Variants in NOX4 observed in about 807,000 individuals in gnomAD.
The protein encoded by NOX4 is NADPH oxidase 4, also known as kidney oxidase-1.
In NOX4, 69 loss-of-function variants were observed where a neutral mutation model predicts 87.6. The observed-to-expected ratio is 0.79, with a 90% CI of 0.65 to 0.96. The LOEUF is 0.96. Ranked by LOEUF, NOX4 falls within the 40% of genes least tolerant of loss-of-function variation. NOX4 has a pLI of 0.00. For missense variants in NOX4, 680 were observed against 681.5 expected (o/e 1.00, Z 0.02); for synonymous variants, 275 against 238.2 (o/e 1.15, Z -1.42).
At chr11:89,392,216 C>T (rs1941180706) in intron 11 of NOX4, among the ~76,000 whole-genome samples, 1 of 152,004 alleles carries the variant, frequency 6.6e-6, no homozygotes, top group Non-Finnish European at 1.5e-5. Context: ...ATAGACTGTA[C>T]ACACCCAACC....
chr11:89,489,970 C>T (rs562780855), intron 2 of NOX4, among the ~76,000 whole-genome samples: 2 of 152,292 alleles, frequency 1.3e-5, no homozygotes, highest in South Asian at 4.1e-4. Context: ...TCATCAGCCA[C>T]TAACCCAAAG....
At chr11:89,351,038 C>T (rs998079503) in intron 13 of NOX4, among the ~76,000 whole-genome samples, 9 of 152,262 alleles carry the variant, frequency 5.9e-5, no homozygotes, top group East Asian at 1.9e-4. Flanking sequence ...AGGCTTCTTG[C>T]GCCAAACAGT....
intron 11 of NOX4, among the ~76,000 whole-genome samples, chr11:89,385,869 T>G (rs187320892): frequency 7.0e-4 from 107 of 152,256 alleles, no homozygotes; most frequent in African/African-American, 2.4e-3. Context: ...CCATGGTCAT[T>G]TCTTCCCTTC....
chr11:89,335,558 C>T (rs947847348), intron 17 of NOX4, among the ~76,000 whole-genome samples: 21 of 151,458 alleles, frequency 1.4e-4, no homozygotes, highest in Admixed American at 5.3e-4. Context: ...GCTGTGGGAG[C>T]GAATACCCAT....
At chr11:89,551,182 T>C in the NOX4 span, among the ~76,000 whole-genome samples, 1 of 152,142 alleles carries the variant, frequency 6.6e-6, no homozygotes, top group African/African-American at 2.4e-5. Flanking sequence ...TTTTGGTGAC[T>C]TGTAGTATAG....
chr11:89,486,574 ATATG>A (rs1358861965), intron 2 of NOX4, among the ~76,000 whole-genome samples: 2 of 142,150 alleles, frequency 1.4e-5, no homozygotes, highest in African/African-American at 5.6e-5. Context: ...ATATACATAT[ATATG>A]TGTGTATATA....
Position 89,449,544 on chromosome 11 carries a change from T to A in NOX4, c.265-20A>T, listed in dbSNP as rs1421104803. ...TGGAACCTAAACAAAAATCATTTAA[T>A]ATGGTAAAAATAATGCAACAAATGT... On this transcript the variant is annotated intron_variant, in intron 3 of 17. Transcript: ENST00000263317. The A allele has an allele frequency of 6.3e-7, 1 of 1,580,894 alleles. No homozygotes were observed. Among genetic ancestry groups the A allele is most frequent in the Non-Finnish European group, 8.7e-7 (1 of 1,152,110 alleles).
chr11:89,516,770 A>G, the NOX4 span, among the ~76,000 whole-genome samples: 5 of 152,126 alleles, frequency 3.3e-5, no homozygotes, highest in South Asian at 4.2e-4. Context: ...TTGAACTTCC[A>G]GCTGTTATTT....
chr11:89,463,804 G>C (rs1473315743), intron 2 of NOX4, among the ~76,000 whole-genome samples: 1 of 151,784 alleles, frequency 6.6e-6, no homozygotes, highest in Admixed American at 6.6e-5. Flanking sequence ...ATACCTTCTG[G>C]ACTATCTAAA....
chr11:89,514,383 T>C, the NOX4 span, among the ~76,000 whole-genome samples: 1 of 150,504 alleles, frequency 6.6e-6, no homozygotes, highest in Non-Finnish European at 1.5e-5. Flanking sequence ...TATTTAACTC[T>C]AACAGTTTTT....
At chr11:89,329,558 A>G (rs1945382012) in intron 17 of NOX4, among the ~76,000 whole-genome samples, 1 of 151,692 alleles carries the variant, frequency 6.6e-6, no homozygotes, top group Non-Finnish European at 1.5e-5. Context: ...ATTGATAATA[A>G]AATACTAAAA....
intron 2 of NOX4, among the ~76,000 whole-genome samples, chr11:89,489,705 G>A (rs554942192): frequency 5.6e-5 from 8 of 143,922 alleles, no homozygotes; most frequent in African/African-American, 1.0e-4. Context: ...TCCAGCCTGG[G>A]CATCGCAGCA....
intron 11 of NOX4, among the ~76,000 whole-genome samples, chr11:89,391,554 G>A (rs1941122222): frequency 6.6e-6 from 1 of 151,876 alleles, no homozygotes; most frequent in African/African-American, 2.4e-5. Flanking sequence ...CTAGGAGGTT[G>A]AGATTAGCCT....
chr11:89,400,430 A>G (rs746132403), intron 9 of NOX4, 51 bp from the exon 10 acceptor site: 44 of 1,380,174 alleles, frequency 3.2e-5, no homozygotes, highest in Non-Finnish European at 4.0e-5. Flanking sequence ...TATTGTAGAA[A>G]TCTACACCCT....
chr11:89,557,208 C>T, the NOX4 span: 10 of 152,002 alleles, frequency 6.6e-5, no homozygotes, highest in Non-Finnish European at 1.3e-4. Context: ...AAAAAAAATC[C>T]CAAACTGTGT....
chr11:89,408,044 T>C (rs1277914801), intron 8 of NOX4, among the ~76,000 whole-genome samples: 2 of 152,102 alleles, frequency 1.3e-5, no homozygotes, highest in African/African-American at 4.8e-5. Flanking sequence ...TTATTTTGCT[T>C]CAAGTACAAA....
In NOX4 at chr11:89,340,277, A is replaced by T. The variant is rs571035294; in HGVS notation, c.1338-106T>A. ...TTTTCATTAGTAAGCAACCAATAGA[A>T]ATATCCAATAGAAACCAACAGAAAA... On this transcript the variant is annotated intron_variant, in intron 14 of 17. Transcript: ENST00000263317. 1.8e-5 allele frequency: 13 copies of T among 705,370 alleles called. No individual in the cohort carries two copies. In the South Asian group the frequency reaches 2.3e-4, roughly 13 times the overall value. The allele number at this position is 705,370 out of a possible 1,614,324, so 43.7% of individuals were successfully genotyped here.
intron 12 of NOX4, among the ~76,000 whole-genome samples, chr11:89,366,894 A>G (rs1939042356): frequency 6.6e-6 from 1 of 152,102 alleles, no homozygotes; most frequent in Non-Finnish European, 1.5e-5. Context: ...ACATGACAGC[A>G]TATATTTAAC....
chr11:89,574,361 CT>C, the NOX4 span, among the ~76,000 whole-genome samples: 2 of 152,218 alleles, frequency 1.3e-5, no homozygotes, highest in East Asian at 3.8e-4. Flanking sequence ...ACTGCCCAAT[CT>C]GTCGGATACC....
Sources: allele counts gnomAD v4.1 joint callset (sites outside exome capture counted in the v4.1 genomes callset), GRCh38; gene constraint gnomAD v4.1.1; transcripts MANE v1.5; gene names NCBI Gene and HGNC (gene_info 2026-07-23, HGNC 2026-07-21).